The following NHEJ1 variants were observed in gnomAD, a reference collection of about 807,000 sequenced individuals.
NHEJ1 encodes the protein non-homologous end joining factor 1.
NHEJ1 carries 22 observed loss-of-function variants against 39.4 expected under a neutral mutation model. That is an observed-to-expected ratio of 0.56 (90% CI 0.40 to 0.80). The LOEUF (loss-of-function observed/expected upper bound fraction) is 0.80. Among genes scored for constraint, NHEJ1 ranks in the 30% least tolerant of loss-of-function variants. The pLI, the probability that NHEJ1 is intolerant of heterozygous loss-of-function variation, is 0.00. For synonymous variants in NHEJ1, 154 were observed against 135.6 expected (o/e 1.14, Z -0.94); for missense variants, 329 against 357.1 (o/e 0.92, Z 0.63).
chr2:219,085,048 C>G (rs1362786806), intron 5 of NHEJ1, among the ~76,000 whole-genome samples: 1 of 152,186 alleles, frequency 6.6e-6, no homozygotes, highest in Non-Finnish European at 1.5e-5. Flanking sequence ...TATGTCATTT[C>G]CATTTTTAAG....
intron 3 of NHEJ1, among the ~76,000 whole-genome samples, chr2:219,151,019 T>C (rs1419948147): frequency 6.6e-6 from 1 of 150,838 alleles, no homozygotes; most frequent in African/African-American, 2.4e-5. Flanking sequence ...TTTCAGCTAC[T>C]TGGGAGGCTG....
chr2:219,118,319 C>A (rs1227458831), intron 5 of NHEJ1, among the ~76,000 whole-genome samples: 1 of 152,144 alleles, frequency 6.6e-6, no homozygotes, highest in Non-Finnish European at 1.5e-5. Context: ...TACAACAGAC[C>A]CTAAGCCAGA....
At chr2:219,100,991 T>A (rs1384385723) in intron 5 of NHEJ1, among the ~76,000 whole-genome samples, 1 of 152,264 alleles carries the variant, frequency 6.6e-6, no homozygotes, top group Non-Finnish European at 1.5e-5. Context: ...CAATTTGATG[T>A]GTATCCTCCC....
chr2:219,135,373 G>A (rs1289170658), intron 5 of NHEJ1, among the ~76,000 whole-genome samples: 4 of 152,210 alleles, frequency 2.6e-5, no homozygotes, highest in Non-Finnish European at 5.9e-5. Flanking sequence ...TTGGGAGGCC[G>A]AGGTGGGTGG....
intron 5 of NHEJ1, among the ~76,000 whole-genome samples, chr2:219,115,677 G>C (rs1165670953): frequency 6.6e-6 from 1 of 152,174 alleles, no homozygotes; most frequent in Non-Finnish European, 1.5e-5. Context: ...ACATGCACAA[G>C]TCTTCAGAGA....
intron 5 of NHEJ1, among the ~76,000 whole-genome samples, chr2:219,119,800 G>A (rs750079891): frequency 7.9e-5 from 12 of 152,168 alleles, no homozygotes; most frequent in Non-Finnish European, 1.3e-4. Flanking sequence ...GAAATCCAGT[G>A]CTCCAATCTT....
Position 219,074,823 on chromosome 2 carries a change from A to T in NHEJ1, c.*1558T>A, listed in dbSNP as rs1315234913. ...ATAGTTCCCAATTCACTTCGATGAC[A>T]GTCACTACCACACAGCACACTCTAG... On this transcript the variant is annotated 3_prime_UTR_variant, in exon 8 of 8. Coordinates refer to ENST00000356853, the MANE Select transcript of NHEJ1 (RefSeq NM_024782.3). 6.6e-6 allele frequency among the ~76,000 whole-genome samples: 1 copy of T among 152,058 alleles called. No individual in the cohort carries two copies.
At chr2:219,148,442 C>T (rs1027216072) in intron 3 of NHEJ1, among the ~76,000 whole-genome samples, 8 of 152,118 alleles carry the variant, frequency 5.3e-5, no homozygotes, top group African/African-American at 1.9e-4. Flanking sequence ...ATCTGTAATC[C>T]CAACTACTCG....
chr2:219,128,584 A>G (rs1949546413), intron 5 of NHEJ1, among the ~76,000 whole-genome samples: 1 of 152,132 alleles, frequency 6.6e-6, no homozygotes, highest in Non-Finnish European at 1.5e-5. Context: ...CCAGGTTATC[A>G]GGCAATAACA....
intron 5 of NHEJ1, among the ~76,000 whole-genome samples, chr2:219,097,634 A>T (rs1408817222): frequency 6.6e-6 from 1 of 152,178 alleles, no homozygotes; most frequent in Non-Finnish European, 1.5e-5. Context: ...TGAAGTTGCC[A>T]TTAACCAAGG....
At position 219,153,705 on chromosome 2, in the gene NHEJ1, G is replaced by T. The variant is rs1292906337; in HGVS notation, c.390+3767C>A. Reference sequence around the variant, plus strand: ...AAAAGAAAGAAAAGGGGGGGGGGGTGGAGAGAGAGAGAGAGAGCAAGCAAG... The same window carrying T: ...AAAAGAAAGAAAAGGGGGGGGGGGTTGAGAGAGAGAGAGAGAGCAAGCAAG... On this transcript the variant is annotated intron_variant, in intron 3 of 7. Coordinates refer to ENST00000356853, the MANE Select transcript of NHEJ1 (RefSeq NM_024782.3). 3.8e-3 allele frequency among the ~76,000 whole-genome samples: 437 copies of T among 114,882 alleles called. 9 individuals carry two copies. The highest frequency in any genetic ancestry group is 0.013 in the African/African-American group (422 of 32,558). The allele number at this position is 114,882 out of a possible 152,430, so 75.4% of individuals were successfully genotyped here.
At chr2:219,120,784 C>T (rs1167888154) in intron 5 of NHEJ1, among the ~76,000 whole-genome samples, 1 of 152,122 alleles carries the variant, frequency 6.6e-6, no homozygotes, top group South Asian at 2.1e-4. Context: ...CTAGTATGAG[C>T]CAATAAATCT....
At chr2:219,099,953 C>T (rs1466229216) in intron 5 of NHEJ1, among the ~76,000 whole-genome samples, 1 of 152,088 alleles carries the variant, frequency 6.6e-6, no homozygotes, top group Non-Finnish European at 1.5e-5. Context: ...TGGGGAAATG[C>T]AAGCTGTATT....
At chr2:219,130,817 A>C (rs1184412208) in intron 5 of NHEJ1, among the ~76,000 whole-genome samples, 1 of 152,182 alleles carries the variant, frequency 6.6e-6, no homozygotes, top group Non-Finnish European at 1.5e-5. Flanking sequence ...GGCTGGTTGC[A>C]GTGCCTCAGG....
rs151094436 is a variant in NHEJ1, at chr2:219,156,756, T to G, written c.390+716A>C. Among the ~76,000 whole-genome samples, 68 of 152,360 alleles carry G rather than the reference T, an allele frequency of 4.5e-4. No homozygotes were observed. The East Asian group carries it at 0.012, about 26-fold the overall frequency. On this transcript the variant is annotated intron_variant, in intron 3 of 7. Coordinates refer to ENST00000356853, the MANE Select transcript of NHEJ1 (RefSeq NM_024782.3). ...TGAGGATTAAATGATGAGATAATGT[T>G]TAGAAAGGTATCTAACACTGGTACA... is the stretch of plus-strand genomic sequence containing the variant.
chr2:219,147,529 T>G, intron 4 of NHEJ1, 128 bp downstream of exon 4: 1 of 1,101,300 alleles, frequency 9.1e-7, no homozygotes, highest in East Asian at 2.4e-5. Flanking sequence ...GACTCCAGTT[T>G]CTGGTTAGTA....
chr2:219,132,879 C>T (rs1220404826), intron 5 of NHEJ1, among the ~76,000 whole-genome samples: 1 of 152,036 alleles, frequency 6.6e-6, no homozygotes, highest in African/African-American at 2.4e-5. Flanking sequence ...ATGTAAATTC[C>T]AGCAGTTTAA....
rs748637371 is a variant in NHEJ1 at position 219,158,495 on chromosome 2, G to A, written c.1-133C>T. 6.6e-5 allele frequency: 54 copies of A among 816,126 alleles called. 1 individual carries two copies. The highest frequency in any genetic ancestry group is 8.8e-5 in the Non-Finnish European group (43 of 488,628). 50.6% of individuals were successfully genotyped at this position (816,126 alleles called of 1,614,324 possible). A position where few individuals can be genotyped will look rare whatever the true frequency, so the allele number is the denominator to read the frequency against. On this transcript the variant is annotated intron_variant, in intron 1 of 7. Coordinates refer to ENST00000356853, the MANE Select transcript of NHEJ1 (RefSeq NM_024782.3). ...GATAAAATAGAAGGCATGGATTTAC[G>A]TTCTCCCAGTATACAACCAGCTGAG...
In NHEJ1 at chr2:219,159,578, T is replaced by TATATATAC. The variant is rs1559206382; in HGVS notation, c.-1+1141_-1+1142insGTATATAT. 1.8e-4 allele frequency among the ~76,000 whole-genome samples: 10 copies of TATATATAC among 56,338 alleles called. 1 individual carries two copies. The highest frequency in any genetic ancestry group is 2.7e-4 in the Non-Finnish European group (8 of 29,466). 37.0% of individuals were successfully genotyped at this position (56,338 alleles called of 152,430 possible). A position where few individuals can be genotyped will look rare whatever the true frequency, so the allele number is the denominator to read the frequency against. ...ATATATATATGCATATATATATGCATATATATATGCATATATATATATGCA... is the reference window on the plus strand; with the variant it reads ...ATATATATATGCATATATATATGCATATATATACATATATATGCATATATATATATGCA... On this transcript the variant is annotated intron_variant, in intron 1 of 7. Coordinates refer to ENST00000356853, the MANE Select transcript of NHEJ1 (RefSeq NM_024782.3).
Sources: allele counts gnomAD v4.1 joint callset (sites outside exome capture counted in the v4.1 genomes callset), GRCh38; gene constraint gnomAD v4.1.1; transcripts MANE v1.5; gene names NCBI Gene and HGNC (gene_info 2026-07-23, HGNC 2026-07-21).